Variants in COLQ observed in about 807,000 individuals in gnomAD.
The protein encoded by COLQ is collagen like tail subunit of asymmetric acetylcholinesterase.
A neutral mutation model predicts 69.0 loss-of-function variants in COLQ; 48 were observed. That is an observed-to-expected ratio of 0.70 (90% confidence interval 0.55 to 0.88). The LOEUF is 0.88. Among genes scored for constraint, COLQ ranks in the 40% least tolerant of loss-of-function variants. The probability of loss-of-function intolerance (pLI) is 0.00; values close to 1 mark genes in which losing one functional copy is unlikely to be tolerated. For missense variants in COLQ, 618 were observed against 594.6 expected (o/e 1.04, Z -0.41); for synonymous variants, 217 against 211.2 (o/e 1.03, Z -0.24).
rs2062334577 is a variant in COLQ, at chr3:15,474,032, A to C, written c.604T>G (p.Phe202Val). ...GDLGPKGEKG[F>V]PGFPGMLGQK... ...CCCAACATTCCAGGAAATCCTGGGA[A>C]ACCCTGTGAAAAGAGCAACAAATAA... is the stretch of plus-strand genomic sequence containing the variant. The change falls in exon 10 of 17, where the codon TTC (phenylalanine) becomes GTC (valine). Residue 202 changes from phenylalanine to valine, a missense_variant. By Grantham distance (50) the Phe-to-Val change is conservative. Coordinates refer to ENST00000383788, the MANE Select transcript of COLQ (RefSeq NM_005677.4). 3 of 1,614,044 alleles carry C rather than the reference A, an allele frequency of 1.9e-6. No individual in the cohort carries two copies. The highest frequency in any genetic ancestry group is 2.7e-5 in the African/African-American group (2 of 74,928).
At chr3:15,517,882 A>C (rs927561682) in intron 1 of COLQ, among the ~76,000 whole-genome samples, 32 of 152,220 alleles carry the variant, frequency 2.1e-4, no homozygotes, top group Admixed American at 1.3e-4. Flanking sequence ...AATGTACTGT[A>C]GTCAATGACG....
intron 1 of COLQ, among the ~76,000 whole-genome samples, chr3:15,503,410 T>C (rs551949814): frequency 7.2e-5 from 11 of 152,288 alleles, no homozygotes; most frequent in Non-Finnish European, 1.3e-4. Flanking sequence ...ACAGACTCAA[T>C]TCCTGGGGGA....
At chr3:15,457,096 T>A (rs1159325782) in intron 13 of COLQ, among the ~76,000 whole-genome samples, 2 of 152,094 alleles carry the variant, frequency 1.3e-5, no homozygotes, top group African/African-American at 2.4e-5. Context: ...AGTTCTGGGA[T>A]TACAGGCATG....
intron 12 of COLQ, among the ~76,000 whole-genome samples, chr3:15,458,752 G>T (rs1000687119): frequency 3.3e-5 from 5 of 152,196 alleles, no homozygotes; most frequent in African/African-American, 1.2e-4. Context: ...TATTTGTTTA[G>T]ACCATTATTA....
At position 15,451,623 on chromosome 3, in the gene COLQ, C is replaced by G. The variant is rs988297558; in HGVS notation, c.*21G>C. 3 of 1,612,798 alleles carry G rather than the reference C, an allele frequency of 1.9e-6. No individual in the cohort carries two copies. Among genetic ancestry groups the G allele is most frequent in the Admixed American group, 1.7e-5 (1 of 60,032 alleles). Reference sequence around the variant, plus strand: ...CTGCTGCCAGTTCTGTGGGGCGCAGCCCACCTTCTCCTCACGGCCCTCAGG... The same window carrying G: ...CTGCTGCCAGTTCTGTGGGGCGCAGGCCACCTTCTCCTCACGGCCCTCAGG... On this transcript the variant is annotated 3_prime_UTR_variant, in exon 17 of 17. Transcript: ENST00000383788.
chr3:15,510,099 C>G (rs544204571), intron 1 of COLQ, among the ~76,000 whole-genome samples: 323 of 152,238 alleles, frequency 2.1e-3, no homozygotes, highest in African/African-American at 7.1e-3. Flanking sequence ...TGGCGTGAGC[C>G]CCGGAGGCAG....
At chr3:15,478,874 G>C in intron 5 of COLQ, 103 bp downstream of exon 5, 2 of 1,385,358 alleles carry the variant, frequency 1.4e-6, no homozygotes, top group African/African-American at 1.4e-5. Context: ...CTGGGTATCA[G>C]TGACCACTGA....
intron 12 of COLQ, among the ~76,000 whole-genome samples, chr3:15,460,275 C>T (rs532000806): frequency 6.6e-5 from 10 of 151,990 alleles, no homozygotes; most frequent in Non-Finnish European, 1.2e-4. Flanking sequence ...GAATGAATGC[C>T]GACTAATTGG....
chr3:15,496,362 G>A (rs1043044315), intron 1 of COLQ: 2 of 155,958 alleles, frequency 1.3e-5, no homozygotes, highest in African/African-American at 2.4e-5. Context: ...ATTTCCATCA[G>A]GTGGACGTGT....
In COLQ at chr3:15,451,578, G is replaced by A. The variant is rs987181714; in HGVS notation, c.*66C>T. On this transcript the variant is annotated 3_prime_UTR_variant, in exon 17 of 17. Transcript: ENST00000383788. ...TGGAGACGGGGCCAGGACATGGCCA[G>A]TTTGATGACAGTGGAGAAGCTGCTG... is the stretch of plus-strand genomic sequence containing the variant. 1 of 1,484,094 alleles carries A rather than the reference G, an allele frequency of 6.7e-7. No individual in the cohort carries two copies. The highest frequency in any genetic ancestry group is 1.7e-4 in the Middle Eastern group (1 of 5,798). The allele number at this position is 1,484,094 out of a possible 1,614,324, so 91.9% of individuals were successfully genotyped here. A position where few individuals can be genotyped will look rare whatever the true frequency, so the allele number is the denominator to read the frequency against.
chr3:15,482,522 G>A (rs2062505508), intron 3 of COLQ, among the ~76,000 whole-genome samples: 1 of 152,168 alleles, frequency 6.6e-6, no homozygotes, highest in African/African-American at 2.4e-5. Context: ...TTATTGATTT[G>A]CATATGTCGA....
intron 12 of COLQ, among the ~76,000 whole-genome samples, chr3:15,463,339 GTTGTTTTTTGTTTT>G (rs142080045): frequency 4.6e-5 from 7 of 151,010 alleles, no homozygotes; most frequent in African/African-American, 1.5e-4. Context: ...TGTTGTTTTT[GTTGTTTTTTGTTTT>G]TTGTTTTTTT....
intron 5 of COLQ, chr3:15,477,460 T>C: frequency 4.2e-6 from 2 of 477,738 alleles, no homozygotes; most frequent in Non-Finnish European, 7.6e-6. Context: ...TTTTTGTCAC[T>C]TCTACCCACC....
intron 1 of COLQ, among the ~76,000 whole-genome samples, chr3:15,515,204 A>G (rs2063044601): frequency 6.6e-6 from 1 of 152,204 alleles, no homozygotes; most frequent in Non-Finnish European, 1.5e-5. Flanking sequence ...ATCCCCAGGC[A>G]TATAGTTGGC....
intron 12 of COLQ, among the ~76,000 whole-genome samples, chr3:15,459,736 C>T (rs1177338166): frequency 6.6e-6 from 1 of 152,082 alleles, no homozygotes; most frequent in African/African-American, 2.4e-5. Flanking sequence ...CCCTTGGCCT[C>T]CCAAAGTGCT....
At chr3:15,454,914 C>T (rs1156895759) in intron 15 of COLQ, among the ~76,000 whole-genome samples, 1 of 151,962 alleles carries the variant, frequency 6.6e-6, no homozygotes, top group Non-Finnish European at 1.5e-5. Context: ...GATCCTCCAA[C>T]CTCAGCTTCC....
At chr3:15,461,021 C>T (rs1280263222) in intron 12 of COLQ, among the ~76,000 whole-genome samples, 2 of 152,114 alleles carry the variant, frequency 1.3e-5, no homozygotes, top group Non-Finnish European at 2.9e-5. Context: ...TTACTTAACA[C>T]TATGCTGTTC....
intron 12 of COLQ, 91 bp downstream of exon 12, chr3:15,466,250 C>G (rs2062197406): frequency 2.3e-6 from 2 of 872,336 alleles, no homozygotes; most frequent in Non-Finnish European, 3.8e-6. Flanking sequence ...ACTTGAAACA[C>G]AAGGCATCTC....
At chr3:15,519,940 G>C (rs1308084675) in intron 1 of COLQ, among the ~76,000 whole-genome samples, 1 of 152,176 alleles carries the variant, frequency 6.6e-6, no homozygotes, top group African/African-American at 2.4e-5. Flanking sequence ...TTCTGACCCT[G>C]GGAAAACAGT....
Sources: gnomAD v4.1 joint callset for allele counts (sites outside exome capture counted in the v4.1 genomes callset) on GRCh38, gnomAD v4.1.1 for gene constraint, MANE v1.5 for transcripts, NCBI Gene and HGNC (gene_info 2026-07-23, HGNC 2026-07-21) for gene names.